Variants in EFNA5 observed in about 807,000 individuals in gnomAD.
The protein encoded by EFNA5 is ephrin-A5.
In EFNA5, 5 loss-of-function variants were observed where a neutral mutation model predicts 22.9. The observed-to-expected ratio is 0.22, with a 90% CI of 0.11 to 0.46. EFNA5 has a LOEUF of 0.46. EFNA5 is among the 20% of genes least tolerant of loss of function. The pLI is 0.99. For missense variants in EFNA5, 237 were observed against 293.3 expected (o/e 0.81, Z 1.40); for synonymous variants, 113 against 112.2 (o/e 1.01, Z -0.04).
intron 1 of EFNA5, among the ~76,000 whole-genome samples, chr5:107,612,788 A>G (rs1749842407): frequency 6.6e-6 from 1 of 151,840 alleles, no homozygotes; most frequent in Non-Finnish European, 1.5e-5. Flanking sequence ...TGAACTGCTG[A>G]GAATGGAACA....
At chr5:107,556,251 C>T (rs1748412202) in intron 1 of EFNA5, among the ~76,000 whole-genome samples, 1 of 152,170 alleles carries the variant, frequency 6.6e-6, no homozygotes, top group Non-Finnish European at 1.5e-5. Flanking sequence ...ACATTTAATC[C>T]ACACTTCCTA....
intron 1 of EFNA5, among the ~76,000 whole-genome samples, chr5:107,457,956 A>G (rs1749737655): frequency 6.6e-6 from 1 of 152,218 alleles, no homozygotes; most frequent in South Asian, 2.1e-4. Context: ...GTAGTAACAG[A>G]CAAAGAGAGA....
At chr5:107,452,929 T>A (rs1482246196) in intron 1 of EFNA5, among the ~76,000 whole-genome samples, 1 of 152,150 alleles carries the variant, frequency 6.6e-6, no homozygotes, top group Non-Finnish European at 1.5e-5. Context: ...ATCCTTCAAA[T>A]AAGTGAAAAG....
chr5:107,575,640 G>T (rs1225595437), intron 1 of EFNA5, among the ~76,000 whole-genome samples: 1 of 152,086 alleles, frequency 6.6e-6, no homozygotes, highest in Non-Finnish European at 1.5e-5. Flanking sequence ...ATAATCTATT[G>T]TAGACCTACT....
At chr5:107,524,489 A>G (rs1747656450) in intron 1 of EFNA5, among the ~76,000 whole-genome samples, 2 of 152,202 alleles carry the variant, frequency 1.3e-5, no homozygotes, top group South Asian at 4.1e-4. Context: ...GGCAAGCTAT[A>G]CTATTTATAC....
At chr5:107,391,098 G>A (rs888926821) in intron 2 of EFNA5, among the ~76,000 whole-genome samples, 4 of 152,224 alleles carry the variant, frequency 2.6e-5, no homozygotes, top group African/African-American at 9.6e-5. Flanking sequence ...GGCAGAGGTT[G>A]CAGTGAGCCG....
At chr5:107,388,522 C>A (rs942630230) in intron 2 of EFNA5, 9 of 151,968 alleles carry the variant, frequency 5.9e-5, no homozygotes, top group Admixed American at 5.2e-4. Context: ...TTATAAATCA[C>A]TTGAGGAAGA....
chr5:107,415,151 G>A (rs1230430040), intron 2 of EFNA5, among the ~76,000 whole-genome samples: 11 of 151,896 alleles, frequency 7.2e-5, no homozygotes, highest in South Asian at 2.1e-4. Context: ...TGCCTAACAC[G>A]TACCTGTGAT....
At chr5:107,434,884 A>G (rs758076562) in intron 1 of EFNA5, among the ~76,000 whole-genome samples, 7 of 152,244 alleles carry the variant, frequency 4.6e-5, no homozygotes, top group African/African-American at 1.4e-4. Context: ...TTGAACAGAA[A>G]TCCAATGTCA....
At chr5:107,505,154 T>C (rs554288676) in intron 1 of EFNA5, among the ~76,000 whole-genome samples, 3 of 152,302 alleles carry the variant, frequency 2.0e-5, no homozygotes, top group South Asian at 2.1e-4. Flanking sequence ...GGACCTGTTA[T>C]ATGTTAAGTA....
intron 1 of EFNA5, among the ~76,000 whole-genome samples, chr5:107,569,774 C>G (rs1209923250): frequency 1.4e-5 from 2 of 146,172 alleles, no homozygotes; most frequent in Non-Finnish European, 3.0e-5. Context: ...ATCACTTGAA[C>G]CTGGGAGGGG....
intron 1 of EFNA5, among the ~76,000 whole-genome samples, chr5:107,593,770 T>A (rs1425576979): frequency 6.6e-6 from 1 of 152,140 alleles, no homozygotes; most frequent in Non-Finnish European, 1.5e-5. Flanking sequence ...AAAGACAGAA[T>A]GTTGCTATAA....
chr5:107,663,912 G>A (rs1751018868), intron 1 of EFNA5, among the ~76,000 whole-genome samples: 1 of 152,074 alleles, frequency 6.6e-6, no homozygotes, highest in African/African-American at 2.4e-5. Flanking sequence ...TTGTATGAAG[G>A]ATGTTTCTAA....
At chr5:107,609,235 G>C (rs1749779337) in intron 1 of EFNA5, among the ~76,000 whole-genome samples, 1 of 152,136 alleles carries the variant, frequency 6.6e-6, no homozygotes, top group Non-Finnish European at 1.5e-5. Context: ...TATCATGTAT[G>C]GTTGGGTACA....
chr5:107,565,588 TTATC>T (rs1748648940), intron 1 of EFNA5, among the ~76,000 whole-genome samples: 1 of 152,222 alleles, frequency 6.6e-6, no homozygotes, highest in Non-Finnish European at 1.5e-5. Flanking sequence ...AGTTTGCTGT[TTATC>T]TAATATATAT....
chr5:107,424,148 C>T (rs1442293956), intron 2 of EFNA5, among the ~76,000 whole-genome samples: 1 of 151,686 alleles, frequency 6.6e-6, no homozygotes, highest in Non-Finnish European at 1.5e-5. Context: ...ACTCCTAGCA[C>T]CATAAAGCAG....
At position 107,551,260 on chromosome 5, in the gene EFNA5, A is replaced by G. The variant is rs185442602; in HGVS notation, c.125+119229T>C. Among the ~76,000 whole-genome samples the G allele has an allele frequency of 3.2e-3, 484 of 152,304 alleles. 2 individuals carry two copies. The highest frequency in any genetic ancestry group is 0.011 in the African/African-American group (454 of 41,574). On this transcript the variant is annotated intron_variant, in intron 1 of 4. Transcript: ENST00000333274. ...CCCAGGCCAACTGGCATTAGAATCC[A>G]TGCTCTAAGTCAAGGGTCTGCCAGT...
chr5:107,562,696 A>C (rs914457082), intron 1 of EFNA5, among the ~76,000 whole-genome samples: 1 of 152,254 alleles, frequency 6.6e-6, no homozygotes, highest in African/African-American at 2.4e-5. Context: ...AACTGTGTTG[A>C]GTACCTACTG....
At chr5:107,657,207 G>A (rs887935070) in intron 1 of EFNA5, among the ~76,000 whole-genome samples, 4 of 152,018 alleles carry the variant, frequency 2.6e-5, no homozygotes, top group African/African-American at 9.7e-5. Flanking sequence ...GAACTACTGA[G>A]CATCTTCTAC....
Sources: allele counts gnomAD v4.1 joint callset (sites outside exome capture counted in the v4.1 genomes callset), GRCh38; gene constraint gnomAD v4.1.1; transcripts MANE v1.5; gene names NCBI Gene and HGNC (gene_info 2026-07-23, HGNC 2026-07-21).